CEP63: variants seen among roughly 807,000 people sequenced by gnomAD.
CEP63 encodes the protein centrosomal protein of 63 kDa.
A neutral mutation model predicts 89.1 loss-of-function variants in CEP63; 84 were observed. That is an observed-to-expected ratio of 0.94 (90% CI 0.79 to 1.13). CEP63 has a LOEUF of 1.13. Ranked by LOEUF, CEP63 falls within the 50% of genes most tolerant of loss-of-function variation. The pLI, the probability that CEP63 is intolerant of heterozygous loss-of-function variation, is 0.00. For missense variants in CEP63, 838 were observed against 813.3 expected (o/e 1.03, Z -0.37); for synonymous variants, 267 against 272.5 (o/e 0.98, Z 0.20).
the CEP63 span, among the ~76,000 whole-genome samples, chr3:134,778,540 T>C: frequency 6.6e-6 from 1 of 151,944 alleles, no homozygotes; most frequent in African/African-American, 2.4e-5. Context: ...TTTGCTGTTT[T>C]GTTTGTTTGT....
chr3:134,671,424 A>G, the CEP63 span, among the ~76,000 whole-genome samples: 5 of 152,196 alleles, frequency 3.3e-5, no homozygotes, highest in Non-Finnish European at 2.9e-5. Context: ...TAGAAGTTCA[A>G]TCCCCACCAG....
intron 2 of CEP63, among the ~76,000 whole-genome samples, chr3:134,505,616 C>T (rs576081612): frequency 1.3e-5 from 2 of 152,262 alleles, no homozygotes; most frequent in South Asian, 2.1e-4. Context: ...GCACAGGCAC[C>T]AGTGGTGGCA....
chr3:134,503,398 A>T (rs1942584888), intron 2 of CEP63, among the ~76,000 whole-genome samples: 1 of 152,086 alleles, frequency 6.6e-6, no homozygotes, highest in South Asian at 2.1e-4. Flanking sequence ...TTTTGATTTT[A>T]AAAAATTTGT....
Position 134,496,174 on chromosome 3 carries a change from A to G in CEP63, c.44+810A>G, listed in dbSNP as rs113740420. ...GTCCATACATGTTTGTGTCTTTTCT[A>G]CAAGAGCAAACTTTTATTGATGCTA... On this transcript the variant is annotated intron_variant, in intron 2 of 14. Coordinates refer to ENST00000675561, the MANE Select transcript of CEP63 (RefSeq NM_001353108.3). Among the ~76,000 whole-genome samples, 1,327 of 141,054 alleles carry G rather than the reference A, an allele frequency of 9.4e-3. 18 individuals are homozygous for G. Among genetic ancestry groups the G allele is most frequent in the African/African-American group, 0.033 (1,276 of 39,120 alleles). The allele number at this position is 141,054 out of a possible 152,430, so 92.5% of individuals were successfully genotyped here.
chr3:134,652,316 T>C, the CEP63 span, among the ~76,000 whole-genome samples: 1 of 152,068 alleles, frequency 6.6e-6, no homozygotes, highest in Non-Finnish European at 1.5e-5. Context: ...GAGTGACAAG[T>C]GACTGATGGA....
chr3:134,531,121 G>A (rs922277842), intron 3 of CEP63, among the ~76,000 whole-genome samples: 1 of 152,116 alleles, frequency 6.6e-6, no homozygotes, highest in African/African-American at 2.4e-5. Flanking sequence ...ACCTCCTTTT[G>A]TTTTCCTGTC....
At chr3:134,685,359 T>G in the CEP63 span, among the ~76,000 whole-genome samples, 1 of 152,086 alleles carries the variant, frequency 6.6e-6, no homozygotes, top group African/African-American at 2.4e-5. Flanking sequence ...AAGTGCAACG[T>G]GAACACAAAC....
At chr3:134,618,679 A>G in the CEP63 span, among the ~76,000 whole-genome samples, 1 of 152,192 alleles carries the variant, frequency 6.6e-6, no homozygotes, top group Non-Finnish European at 1.5e-5. Context: ...CAGCGACTCC[A>G]AGAGTAGCCG....
chr3:134,685,739 T>A, the CEP63 span, among the ~76,000 whole-genome samples: 4 of 152,340 alleles, frequency 2.6e-5, no homozygotes, highest in East Asian at 7.7e-4. Context: ...AATTCCCCTC[T>A]GTCTAGTCTC....
the CEP63 span, among the ~76,000 whole-genome samples, chr3:134,613,650 G>A: frequency 2.3e-4 from 35 of 152,238 alleles, no homozygotes; most frequent in African/African-American, 7.5e-4. Flanking sequence ...GCCTGGGGCA[G>A]AAAAAAGATG....
the CEP63 span, among the ~76,000 whole-genome samples, chr3:134,737,586 G>A: frequency 6.6e-6 from 1 of 152,178 alleles, no homozygotes; most frequent in African/African-American, 2.4e-5. Flanking sequence ...TTCCCTAGTG[G>A]CTTAAAGAAA....
chr3:134,653,189 C>G, the CEP63 span, among the ~76,000 whole-genome samples: 1 of 152,236 alleles, frequency 6.6e-6, no homozygotes, highest in African/African-American at 2.4e-5. Context: ...AGATAATTCT[C>G]TTTGGTGGGG....
At chr3:134,781,798 G>A in the CEP63 span, among the ~76,000 whole-genome samples, 1 of 152,200 alleles carries the variant, frequency 6.6e-6, no homozygotes, top group South Asian at 2.1e-4. Flanking sequence ...TCCCTGTACA[G>A]TCTCTTGGGT....
At chr3:134,538,684 C>T (rs1445411866) in intron 6 of CEP63, among the ~76,000 whole-genome samples, 1 of 150,978 alleles carries the variant, frequency 6.6e-6, no homozygotes, top group Non-Finnish European at 1.5e-5. Flanking sequence ...TCCTAAAGTG[C>T]TGGGATTACA....
At chr3:134,521,789 G>A (rs1023607747) in intron 3 of CEP63, among the ~76,000 whole-genome samples, 28 of 152,094 alleles carry the variant, frequency 1.8e-4, no homozygotes, top group Non-Finnish European at 2.8e-4. Context: ...AAATTGAAGC[G>A]CTAATTTCTC....
chr3:134,499,487 TG>T (rs1458690745), intron 2 of CEP63, among the ~76,000 whole-genome samples: 1 of 152,206 alleles, frequency 6.6e-6, no homozygotes, highest in Non-Finnish European at 1.5e-5. Flanking sequence ...TTCTTTGTAT[TG>T]TTTTTTAGTC....
chr3:134,524,639 CAT>C (rs1410420972), intron 3 of CEP63, among the ~76,000 whole-genome samples: 2 of 152,226 alleles, frequency 1.3e-5, no homozygotes, highest in Admixed American at 6.5e-5. Flanking sequence ...TTGAGATAAT[CAT>C]GTGGTTTTTG....
At chr3:134,745,373 A>G in the CEP63 span, among the ~76,000 whole-genome samples, 2 of 152,186 alleles carry the variant, frequency 1.3e-5, no homozygotes. Context: ...TGATTATCTG[A>G]AATTTCATTA....
chr3:134,759,994 G>C, the CEP63 span, among the ~76,000 whole-genome samples: 1 of 151,754 alleles, frequency 6.6e-6, no homozygotes, highest in South Asian at 2.1e-4. Flanking sequence ...TGATTCTAAG[G>C]AGTGTGCTCT....
Sources: allele counts gnomAD v4.1 joint callset (sites outside exome capture counted in the v4.1 genomes callset), GRCh38; gene constraint gnomAD v4.1.1; transcripts MANE v1.5; gene names NCBI Gene and HGNC (gene_info 2026-07-23, HGNC 2026-07-21).